The following CTNNA2 variants were observed in gnomAD, a reference collection of about 807,000 sequenced individuals.
CTNNA2 encodes catenin alpha-2.
In CTNNA2, 42 loss-of-function variants were observed where a neutral mutation model predicts 101.0. That is an observed-to-expected ratio of 0.42 (90% CI 0.32 to 0.54). The LOEUF is 0.54. Ranked by LOEUF, CTNNA2 falls within the 20% of genes least tolerant of loss-of-function variation. CTNNA2 has a pLI of 0.14. For synonymous variants in CTNNA2, 450 were observed against 456.4 expected, an observed-to-expected ratio of 0.99 and a Z score of 0.18; for missense variants, 871 against 1,223.1, an observed-to-expected ratio of 0.71 and a Z score of 4.29.
rs76994970 is a variant in CTNNA2, at chr2:79,770,130, G to C, written c.298+25548G>C. ...GTTGGGGAGTGCTTCTACCATCTAG[G>C]GGGTAGAAGTCAGGGATACTGCTAA... is the stretch of plus-strand genomic sequence containing the variant. On this transcript the variant is annotated intron_variant, in intron 3 of 18. Coordinates refer to ENST00000402739, the MANE Select transcript of CTNNA2 (RefSeq NM_001282597.3). 3.6e-3 allele frequency among the ~76,000 whole-genome samples: 549 copies of C among 152,246 alleles called. 6 individuals carry two copies. Among genetic ancestry groups the C allele is most frequent in the African/African-American group, 0.013 (527 of 41,548 alleles).
chr2:80,629,671 G>A lies in CTNNA2; in HGVS notation c.2574+10443G>A, dbSNP rs1168158013. On this transcript the variant is annotated intron_variant, in intron 18 of 18. Coordinates refer to ENST00000402739, the MANE Select transcript of CTNNA2 (RefSeq NM_001282597.3). ...CTTCAGGCTGGTTCAGTCTAGCCTC[G>A]TTTGGATAATTCTTTACTATAGGGA... Among the ~76,000 whole-genome samples, 9 of 152,096 alleles carry A rather than the reference G, an allele frequency of 5.9e-5. No homozygotes were observed. The East Asian group carries it at 7.7e-4, about 13-fold the overall frequency.
chr2:79,893,720 T>C (rs1253875124), intron 6 of CTNNA2, among the ~76,000 whole-genome samples: 1 of 152,232 alleles, frequency 6.6e-6, no homozygotes, highest in African/African-American at 2.4e-5. Context: ...ACTTTGATTT[T>C]CTATTACTTT....
At chr2:80,320,467 T>C (rs1014118574) in intron 7 of CTNNA2, among the ~76,000 whole-genome samples, 1 of 152,210 alleles carries the variant, frequency 6.6e-6, no homozygotes, top group African/African-American at 2.4e-5. Context: ...CTCCGAATTG[T>C]GATACAGTCA....
chr2:80,400,589 G>T (rs1012285092), intron 8 of CTNNA2, among the ~76,000 whole-genome samples: 1 of 152,108 alleles, frequency 6.6e-6, no homozygotes, highest in Non-Finnish European at 1.5e-5. Context: ...GAAATTTCCA[G>T]ATTATCTTAA....
chr2:79,965,545 C>G (rs1310039826), intron 7 of CTNNA2, among the ~76,000 whole-genome samples: 1 of 151,970 alleles, frequency 6.6e-6, no homozygotes, highest in African/African-American at 2.4e-5. Context: ...AAAAACAAGC[C>G]AGGCTCGGTG....
chr2:80,391,131 GAAAAAAAA>G (rs555715820), intron 7 of CTNNA2, among the ~76,000 whole-genome samples: 8 of 70,834 alleles, frequency 1.1e-4, no homozygotes, highest in Non-Finnish European at 2.1e-4. Context: ...GACTGTCTCA[GAAAAAAAA>G]AAAAAAAAAA....
intron 7 of CTNNA2, among the ~76,000 whole-genome samples, chr2:80,274,222 A>G (rs1224461402): frequency 2.0e-5 from 3 of 152,194 alleles, no homozygotes; most frequent in Admixed American, 6.5e-5. Context: ...TAGGCAGGTC[A>G]TTATGAGGCC....
intron 1 of CTNNA2, among the ~76,000 whole-genome samples, chr2:79,562,032 C>T (rs1318600268): frequency 6.6e-6 from 1 of 151,828 alleles, no homozygotes; most frequent in African/African-American, 2.4e-5. Context: ...AAATGATTGC[C>T]TAATCCAAAA....
intron 8 of CTNNA2, among the ~76,000 whole-genome samples, chr2:80,416,852 A>G (rs1680089243): frequency 6.6e-6 from 1 of 152,056 alleles, no homozygotes; most frequent in African/African-American, 2.4e-5. Context: ...TACCCTTGAA[A>G]GTCAGTTTTG....
At position 79,382,114 on chromosome 2, in the gene CTNNA2, C is replaced by T. The variant is rs28591416; in HGVS notation, c.-135+8101C>T. ...CAATCTATTGAGGGCCCAAGTAGAA[C>T]AAAAAGGTGGAAGAAGGGTAAATTC... On this transcript the variant is annotated intron_variant, in intron 4 of 21. Transcript: ENST00000466387. Among the ~76,000 whole-genome samples, 713 of 152,028 alleles carry T rather than the reference C, an allele frequency of 4.7e-3. 7 individuals are homozygous for T. Among genetic ancestry groups the T allele is most frequent in the African/African-American group, 0.016 (673 of 41,478 alleles).
intron 9 of CTNNA2, among the ~76,000 whole-genome samples, chr2:80,456,760 A>G (rs532984790): frequency 6.6e-6 from 1 of 152,134 alleles, no homozygotes; most frequent in Non-Finnish European, 1.5e-5. Context: ...CTTATTGGGC[A>G]CCTGAGGGAA....
intron 1 of CTNNA2, among the ~76,000 whole-genome samples, chr2:79,601,804 GTAGA>G (rs1677570070): frequency 6.6e-6 from 1 of 152,338 alleles, no homozygotes; most frequent in African/African-American, 2.4e-5. Context: ...CACTGTAAAG[GTAGA>G]TAGATACACA....
chr2:79,440,377 A>G lies in CTNNA2; in HGVS notation c.-134-64677A>G, dbSNP rs184656099. Among the ~76,000 whole-genome samples, 5 of 152,254 alleles carry G rather than the reference A, an allele frequency of 3.3e-5. No homozygotes were observed. The East Asian group carries it at 9.7e-4, about 29-fold the overall frequency. ...CTCTGGAACCAATGCGCTGGAGGGT[A>G]TTCTCTCTTGGCCATTGCTGTGTGG... On this transcript the variant is annotated intron_variant, in intron 4 of 21. Coordinates refer to the CTNNA2 transcript ENST00000466387.
chr2:79,598,327 C>A (rs1277027906), intron 1 of CTNNA2, among the ~76,000 whole-genome samples: 1 of 152,194 alleles, frequency 6.6e-6, no homozygotes, highest in Non-Finnish European at 1.5e-5. Context: ...GTAAACACCA[C>A]AGAGCATGAT....
chr2:80,457,445 A>G (rs1364346915), intron 9 of CTNNA2, among the ~76,000 whole-genome samples: 3 of 152,208 alleles, frequency 2.0e-5, no homozygotes, highest in African/African-American at 7.2e-5. Flanking sequence ...ATTATTATGT[A>G]TCAGTAAAAA....
intron 12 of CTNNA2, among the ~76,000 whole-genome samples, chr2:80,559,900 A>T (rs1232548316): frequency 6.6e-6 from 1 of 151,306 alleles, no homozygotes; most frequent in African/African-American, 2.4e-5. Context: ...ATACACACAC[A>T]TACAGTAGCT....
chr2:80,210,829 C>G (rs988124673), intron 7 of CTNNA2, among the ~76,000 whole-genome samples: 3 of 152,296 alleles, frequency 2.0e-5, no homozygotes, highest in East Asian at 3.9e-4. Flanking sequence ...TACAGTCCCA[C>G]CAACAGTGTA....
chr2:79,288,378 T>G (rs534724486), intron 2 of CTNNA2, among the ~76,000 whole-genome samples: 1 of 152,226 alleles, frequency 6.6e-6, no homozygotes, highest in Admixed American at 6.5e-5. Flanking sequence ...TAAAATGTAT[T>G]GGAATCCATC....
At chr2:79,777,614 G>A (rs149626909) in intron 3 of CTNNA2, among the ~76,000 whole-genome samples, 1 of 152,240 alleles carries the variant, frequency 6.6e-6, no homozygotes, top group African/African-American at 2.4e-5. Flanking sequence ...TCTCTTCTCT[G>A]TGCAGAGCAC....
Sources: gnomAD v4.1 joint callset for allele counts (sites outside exome capture counted in the v4.1 genomes callset) on GRCh38, gnomAD v4.1.1 for gene constraint, MANE v1.5 for transcripts, NCBI Gene and HGNC (gene_info 2026-07-23, HGNC 2026-07-21) for gene names.